MAF: variants seen among roughly 807,000 people sequenced by gnomAD.
MAF encodes MAF bZIP transcription factor.
In MAF, 10 loss-of-function variants were observed where a neutral mutation model predicts 22.0. That is an observed-to-expected ratio of 0.45 (90% CI 0.28 to 0.77). The LOEUF (loss-of-function observed/expected upper bound fraction) is 0.77. Among genes scored for constraint, MAF ranks in the 30% least tolerant of loss-of-function variants. The pLI is 0.12. For synonymous variants in MAF, 337 were observed against 255.8 expected (o/e 1.32, Z -3.03); for missense variants, 544 against 548.4 (o/e 0.99, Z 0.08).
the MAF span, among the ~76,000 whole-genome samples, chr16:79,383,425 A>G: frequency 6.6e-6 from 1 of 152,166 alleles, no homozygotes; most frequent in Non-Finnish European, 1.5e-5. Context: ...AAAATGAAGG[A>G]TGGGTTTCAG....
At chr16:79,212,055 C>G in the MAF span, 16 of 1,536,264 alleles carry the variant, frequency 1.0e-5, no homozygotes, top group African/African-American at 1.4e-5. Context: ...AAAGTAAAAA[C>G]CTGCTTGGTG....
the MAF span, among the ~76,000 whole-genome samples, chr16:79,387,481 C>T: frequency 6.6e-6 from 1 of 152,176 alleles, no homozygotes; most frequent in Admixed American, 6.5e-5. Context: ...TTATTAGTGT[C>T]ATCTTGGTAT....
chr16:79,432,845 G>A, the MAF span, among the ~76,000 whole-genome samples: 2 of 152,104 alleles, frequency 1.3e-5, no homozygotes, highest in Non-Finnish European at 2.9e-5. Context: ...CCAGAAGCTG[G>A]GAAGGCATCC....
At chr16:79,429,552 G>C in the MAF span, among the ~76,000 whole-genome samples, 3 of 152,128 alleles carry the variant, frequency 2.0e-5, no homozygotes, top group Non-Finnish European at 4.4e-5. Context: ...AGGCAGGCTG[G>C]CTCTTTACAG....
the MAF span, among the ~76,000 whole-genome samples, chr16:79,539,809 T>C: frequency 2.6e-5 from 4 of 152,180 alleles, no homozygotes; most frequent in African/African-American, 4.8e-5. Flanking sequence ...TGCCACATGA[T>C]CACAATCATG....
the MAF span, among the ~76,000 whole-genome samples, chr16:79,236,991 A>G: frequency 6.6e-6 from 1 of 151,474 alleles, no homozygotes; most frequent in African/African-American, 2.4e-5. Context: ...AATGCTTATG[A>G]GTTGGTTTAG....
chr16:79,515,142 C>T, the MAF span, among the ~76,000 whole-genome samples: 3 of 152,218 alleles, frequency 2.0e-5, no homozygotes, highest in African/African-American at 7.2e-5. Flanking sequence ...TATGGCCTGA[C>T]ACAGACTTCA....
At chr16:79,371,006 G>A in the MAF span, among the ~76,000 whole-genome samples, 1 of 152,228 alleles carries the variant, frequency 6.6e-6, no homozygotes, top group Non-Finnish European at 1.5e-5. Flanking sequence ...TCAATTAGTG[G>A]ATAAAGAATT....
At chr16:79,302,197 G>C in the MAF span, among the ~76,000 whole-genome samples, 1,002 of 152,332 alleles carry the variant, frequency 6.6e-3, 9 homozygotes, top group African/African-American at 0.023. Flanking sequence ...TGCTTGGAAT[G>C]ACTCAGGACT....
At chr16:79,362,469 G>A in the MAF span, among the ~76,000 whole-genome samples, 2 of 152,132 alleles carry the variant, frequency 1.3e-5, no homozygotes, top group African/African-American at 4.8e-5. Flanking sequence ...TCGAATGTTT[G>A]ACTCAGCCCT....
the MAF span, among the ~76,000 whole-genome samples, chr16:79,261,909 G>T: frequency 1.3e-5 from 2 of 152,182 alleles, no homozygotes; most frequent in Admixed American, 1.3e-4. Context: ...CCTCCTGACA[G>T]TGGAGAGGGC....
At chr16:79,237,350 G>A in the MAF span, among the ~76,000 whole-genome samples, 8 of 152,160 alleles carry the variant, frequency 5.3e-5, no homozygotes, top group East Asian at 1.9e-4. Flanking sequence ...GCCTCATGGC[G>A]TTTGCTGGTG....
chr16:79,567,308 G>C, the MAF span, among the ~76,000 whole-genome samples: 2 of 145,616 alleles, frequency 1.4e-5, no homozygotes, highest in Non-Finnish European at 3.0e-5. Flanking sequence ...ACAAGAGCAA[G>C]ACTCCACCTC....
the MAF span, among the ~76,000 whole-genome samples, chr16:79,481,466 A>G: frequency 6.6e-6 from 1 of 152,064 alleles, no homozygotes; most frequent in Non-Finnish European, 1.5e-5. Flanking sequence ...TCCCGTCTCT[A>G]TAGATTTGCC....
At chr16:79,228,786 G>A in the MAF span, among the ~76,000 whole-genome samples, 6 of 151,946 alleles carry the variant, frequency 3.9e-5, no homozygotes, top group African/African-American at 1.4e-4. Context: ...ATGGTGGTGG[G>A]GGGTTAGGGC....
At chr16:79,569,641 T>C in the MAF span, among the ~76,000 whole-genome samples, 2 of 152,224 alleles carry the variant, frequency 1.3e-5, no homozygotes, top group African/African-American at 4.8e-5. Flanking sequence ...ACTCGTGCCT[T>C]AGAACAGTGC....
At chr16:79,321,906 T>A in the MAF span, among the ~76,000 whole-genome samples, 1 of 151,958 alleles carries the variant, frequency 6.6e-6, no homozygotes, top group Admixed American at 6.6e-5. Flanking sequence ...GACTTGGTCC[T>A]GGGTGACCAA....
At chr16:79,321,063 C>T in the MAF span, among the ~76,000 whole-genome samples, 6 of 152,142 alleles carry the variant, frequency 3.9e-5, no homozygotes, top group African/African-American at 1.4e-4. Flanking sequence ...CTTGGTAGCC[C>T]TTATTAGGGT....
chr16:79,455,893 C>T, the MAF span, among the ~76,000 whole-genome samples: 1 of 152,042 alleles, frequency 6.6e-6, no homozygotes, highest in Admixed American at 6.6e-5. Context: ...AGGCGCATTC[C>T]TGTAATCTCA....
Sources: allele counts gnomAD v4.1 joint callset (sites outside exome capture counted in the v4.1 genomes callset), GRCh38; gene constraint gnomAD v4.1.1; transcripts MANE v1.5; gene names NCBI Gene and HGNC (gene_info 2026-07-23, HGNC 2026-07-21).